Variants in ERICH1 observed in about 807,000 individuals in gnomAD.
The protein encoded by ERICH1 is glutamate rich 1.
Under a neutral mutation model 39.6 loss-of-function variants are expected in ERICH1, and 56 were observed. The ratio of observed to expected loss-of-function variants is 1.41; its 90% CI spans 1.14 to 1.77. The LOEUF is 1.77. ERICH1 is among the 40% of genes most tolerant of loss of function. The probability of loss-of-function intolerance (pLI) is 0.00; values close to 1 mark genes in which losing one functional copy is unlikely to be tolerated. For missense variants in ERICH1, 826 were observed against 575.4 expected (o/e 1.44, Z -4.45); for synonymous variants, 313 against 223.6 (o/e 1.40, Z -3.57).
intron 3 of ERICH1, among the ~76,000 whole-genome samples, chr8:617,715 A>G (rs879486931): frequency 1.3e-5 from 2 of 149,448 alleles, no homozygotes; most frequent in Non-Finnish European, 3.0e-5. Flanking sequence ...TGCTTGGTCC[A>G]TCCTTACTGC....
intron 1 of ERICH1, among the ~76,000 whole-genome samples, chr8:726,974 T>TACACCACTCAGGCACATACACATGCAC (rs1818901351): frequency 8.5e-6 from 1 of 118,312 alleles, no homozygotes; most frequent in African/African-American, 5.0e-5. Flanking sequence ...TGCACACACG[T>TACACCACTCAGGCACATACACATGCAC]ACACATACAC....
At chr8:717,983 T>G (rs1191094512) in intron 1 of ERICH1, among the ~76,000 whole-genome samples, 1 of 152,066 alleles carries the variant, frequency 6.6e-6, no homozygotes, top group Non-Finnish European at 1.5e-5. Context: ...AGGCAGCTGA[T>G]CCCAAAGAAA....
chr8:673,360 G>A lies in ERICH1; in HGVS notation c.992C>T (p.Thr331Ile), dbSNP rs777470631. The change falls in exon 4 of 6, where the codon ACA (threonine) becomes ATA (isoleucine). Residue 331 changes from threonine (T) to isoleucine (I), a missense_variant. By Grantham distance (89) the Thr-to-Ile change is moderately conservative. Transcript: ENST00000262109. ...DGADASEEDD[T>I]ITNEKAHSIL... Reference sequence around the variant, plus strand: ...ACTGTGTGCCTTTTCATTGGTAATTGTATCATCTTCCTCGCTGGCGTCTGC... The same window carrying A: ...ACTGTGTGCCTTTTCATTGGTAATTATATCATCTTCCTCGCTGGCGTCTGC... 4 of 1,614,200 alleles carry A rather than the reference G, an allele frequency of 2.5e-6. No homozygotes were observed. Among genetic ancestry groups the A allele is most frequent in the Non-Finnish European group, 3.4e-6 (4 of 1,180,036 alleles).
chr8:681,053 C>CA (rs1448603838), intron 3 of ERICH1, among the ~76,000 whole-genome samples: 1 of 152,200 alleles, frequency 6.6e-6, no homozygotes, highest in African/African-American at 2.4e-5. Flanking sequence ...TGATGCTGCC[C>CA]AAAGCCACTA....
chr8:689,113 C>CT (rs1358421807), intron 3 of ERICH1, among the ~76,000 whole-genome samples: 8 of 110,810 alleles, frequency 7.2e-5, no homozygotes, highest in Admixed American at 5.7e-4. Flanking sequence ...CACGTATGAT[C>CT]TTTTTTTTCT....
In ERICH1 at chr8:668,732, C is replaced by T. The variant is rs370214725; in HGVS notation, c.1124G>A (p.Arg375His). 2.6e-5 allele frequency: 42 copies of T among 1,613,710 alleles called. No homozygotes were observed. The East Asian group carries it at 2.7e-4, about 10-fold the overall frequency. Residue 375 changes from arginine to histidine, a missense_variant, in exon 5 of 6, where the codon CGC becomes CAC. Coordinates refer to ENST00000262109, the MANE Select transcript of ERICH1 (RefSeq NM_207332.3). ...GGGCAGCATGCTGTGTGACGCAAGG[C>T]GGTCCAGCAGCTCCTCAGCGGCATC... ...LADAAEELLDRLASHSMLPSD... is the reference protein window; with the variant it reads ...LADAAEELLDHLASHSMLPSD...
At chr8:657,202 G>A (rs1379441974) in intron 3 of ERICH1, among the ~76,000 whole-genome samples, 1 of 152,238 alleles carries the variant, frequency 6.6e-6, no homozygotes, top group Non-Finnish European at 1.5e-5. Context: ...AACAGTCTAA[G>A]ACAGGTTTAT....
chr8:651,245 G>A (rs548585418), intron 3 of ERICH1, among the ~76,000 whole-genome samples: 15 of 152,356 alleles, frequency 9.8e-5, no homozygotes, highest in Admixed American at 2.6e-4. Flanking sequence ...GAGAAGTGGC[G>A]CTGGGCTTAG....
At chr8:643,432 G>A (rs535104846) in intron 3 of ERICH1, among the ~76,000 whole-genome samples, 6 of 152,156 alleles carry the variant, frequency 3.9e-5, no homozygotes, top group Non-Finnish European at 8.8e-5. Context: ...CTCATGGGAT[G>A]CTCCATCCAG....
intron 3 of ERICH1, among the ~76,000 whole-genome samples, chr8:687,612 C>G (rs1315488704): frequency 1.3e-5 from 2 of 152,154 alleles, no homozygotes; most frequent in African/African-American, 4.8e-5. Flanking sequence ...AGGCGGGTCC[C>G]TGTGGAGCGC....
At chr8:711,816 A>AT (rs1413659264) in intron 2 of ERICH1, among the ~76,000 whole-genome samples, 4 of 152,052 alleles carry the variant, frequency 2.6e-5, no homozygotes, top group Non-Finnish European at 4.4e-5. Flanking sequence ...TTTTAGTAAG[A>AT]TTTTTTTGTG....
Position 731,198 on chromosome 8 carries a change from G to T in ERICH1, c.-37C>A, listed in dbSNP as rs578099231. On this transcript the variant is annotated 5_prime_UTR_variant, in exon 1 of 6. Coordinates refer to ENST00000262109, the MANE Select transcript of ERICH1 (RefSeq NM_207332.3). ...CCGCGGACCTCAGACCACGGCGCGCGGTCCTGAGCTGAGCGCCGTGCCTTC... is the reference window on the plus strand; with the variant it reads ...CCGCGGACCTCAGACCACGGCGCGCTGTCCTGAGCTGAGCGCCGTGCCTTC... The T allele has an allele frequency of 3.9e-5, 57 of 1,470,732 alleles. 1 individual carries two copies. In the African/African-American group the frequency reaches 4.1e-4, roughly 10 times the overall value. The allele number at this position is 1,470,732 out of a possible 1,614,324, so 91.1% of individuals were successfully genotyped here.
chr8:615,394 C>G, intron 3 of ERICH1: 1 of 564,512 alleles, frequency 1.8e-6, no homozygotes, highest in South Asian at 2.4e-5. Flanking sequence ...TAAGATTAGT[C>G]TTCCTAAGCC....
chr8:715,901 G>C lies in ERICH1; in HGVS notation c.129C>G (p.Thr43=), dbSNP rs1379144484. The C allele has an allele frequency of 1.2e-6, 2 of 1,613,804 alleles. No individual in the cohort carries two copies. The highest frequency in any genetic ancestry group is 1.7e-6 in the Non-Finnish European group (2 of 1,179,930). Residue 43 remains threonine (T), a synonymous_variant, in exon 2 of 6, where the codon ACC becomes ACG. Coordinates refer to ENST00000262109, the MANE Select transcript of ERICH1 (RefSeq NM_207332.3). ...LAVQNPPKKV[T]SEKVSQKHAE... is the part of the protein sequence containing the mutation. ...CATGTTTCTGGCTCACTTTCTCAGA[G>C]GTCACTTTCTTTGGTGGATTTTGGA...
intron 5 of ERICH1, among the ~76,000 whole-genome samples, chr8:665,084 C>T (rs1021442212): frequency 2.0e-5 from 3 of 152,160 alleles, no homozygotes; most frequent in African/African-American, 2.4e-5. Context: ...GAAGTGGAGC[C>T]GTAAGTGAGA....
intron 3 of ERICH1, among the ~76,000 whole-genome samples, chr8:634,191 C>CAAAAAACAAACAAACAAAA (rs1798250396): frequency 4.6e-5 from 6 of 129,834 alleles, no homozygotes; most frequent in Admixed American, 3.0e-4. Flanking sequence ...AAAAAACAAA[C>CAAAAAACAAACAAACAAAA]AAAAAAAACC....
Position 673,401 on chromosome 8 carries a change from G to A in ERICH1, c.951C>T (p.Ser317=), listed in dbSNP as rs556750116. 45 of 1,613,480 alleles carry A rather than the reference G, an allele frequency of 2.8e-5. No homozygotes were observed. Among genetic ancestry groups the A allele is most frequent in the Non-Finnish European group, 3.3e-5 (39 of 1,179,874 alleles). Residue 317 remains serine, a synonymous_variant, in exon 4 of 6, where the codon TCC becomes TCT. Transcript: ENST00000262109. ...TGGCGTCTGCACCGTCCTCCTCCCC[G>A]GAGTCTGCACCCTCTTCCTCCCCAG... ...TWAGEEEGAD[S]GEEDGADASE...
At chr8:701,228 G>A (rs111895349) in intron 2 of ERICH1, among the ~76,000 whole-genome samples, 3 of 151,924 alleles carry the variant, frequency 2.0e-5, no homozygotes, top group African/African-American at 4.8e-5. Context: ...ACGGGAGCAC[G>A]CCGTACCCAC....
chr8:648,502 C>CAAAAAAAAAAAAAAAA (rs531723403), intron 3 of ERICH1, among the ~76,000 whole-genome samples: 4 of 13,734 alleles, frequency 2.9e-4, no homozygotes, highest in Non-Finnish European at 5.2e-4. Context: ...AAAGAAAAAG[C>CAAAAAAAAAAAAAAAA]AAAAAAAAAA....
Sources: allele counts gnomAD v4.1 joint callset (sites outside exome capture counted in the v4.1 genomes callset), GRCh38; gene constraint gnomAD v4.1.1; transcripts MANE v1.5; gene names NCBI Gene and HGNC (gene_info 2026-07-23, HGNC 2026-07-21).